DIP2C: variants seen among roughly 807,000 people sequenced by gnomAD.
The protein encoded by DIP2C is disco-interacting protein 2 homolog C.
A neutral mutation model predicts 192.4 loss-of-function variants in DIP2C; 33 were observed. The observed-to-expected ratio is 0.17, with a 90% CI of 0.13 to 0.23. The LOEUF (loss-of-function observed/expected upper bound fraction) is 0.23, where lower values mean the gene tolerates loss of function less well. Among genes scored for constraint, DIP2C ranks in the 10% least tolerant of loss-of-function variants. The pLI is 1.00. For missense variants in DIP2C, 1,537 were observed against 2,110.1 expected (o/e 0.73, Z 5.32); for synonymous variants, 979 against 864.1 (o/e 1.13, Z -2.33).
At chr10:354,627 A>C (rs114681125) in intron 24 of DIP2C, among the ~76,000 whole-genome samples, 1,570 of 152,246 alleles carry the variant, frequency 0.01, 27 homozygotes, top group Middle Eastern at 0.031. Flanking sequence ...CGTGTCAGGC[A>C]ACATCAAGGC....
chr10:519,830 T>TCC (rs1040702413), intron 1 of DIP2C, among the ~76,000 whole-genome samples: 1 of 151,914 alleles, frequency 6.6e-6, no homozygotes, highest in Non-Finnish European at 1.5e-5. Flanking sequence ...ATCCCAGGCC[T>TCC]CCCCCCTGCT....
chr10:412,692 A>G (rs963170160), intron 8 of DIP2C, among the ~76,000 whole-genome samples: 3 of 152,184 alleles, frequency 2.0e-5, no homozygotes, highest in Non-Finnish European at 2.9e-5. Flanking sequence ...CTGAAAGGCT[A>G]GGGTCTGAGG....
chr10:685,162 ATATATATATATATATATATATAT>A (rs1166267908), intron 1 of DIP2C, among the ~76,000 whole-genome samples: 363 of 16,716 alleles, frequency 0.022, 2 homozygotes, highest in East Asian at 0.03. Flanking sequence ...AAAAAAAAAA[ATATATATATATATATATATATAT>A]ACATATATAT....
At chr10:497,133 T>A (rs946153211) in intron 1 of DIP2C, among the ~76,000 whole-genome samples, 1 of 151,624 alleles carries the variant, frequency 6.6e-6, no homozygotes, top group Non-Finnish European at 1.5e-5. Flanking sequence ...TCGAAATCAA[T>A]CAATCAATCA....
chr10:536,372 T>C (rs1390432366), intron 1 of DIP2C, among the ~76,000 whole-genome samples: 1 of 150,984 alleles, frequency 6.6e-6, no homozygotes, highest in Non-Finnish European at 1.5e-5. Context: ...CATAGGGACA[T>C]CACAGTCCCG....
intron 32 of DIP2C, among the ~76,000 whole-genome samples, chr10:304,090 AAGAT>A (rs970332159): frequency 2.0e-5 from 3 of 152,198 alleles, no homozygotes; most frequent in Admixed American, 1.3e-4. Flanking sequence ...AATATGCTCT[AAGAT>A]AACGACATTA....
rs369429266 is a variant in DIP2C at position 561,628 on chromosome 10, C to T, written c.86-75098G>A. On this transcript the variant is annotated intron_variant, in intron 1 of 36. Transcript: ENST00000280886. ...TAACGCACTGTCTCCAAGGCCCTTTCCCGCCAGTCACAGCTTCCTTCAAGT... is the reference window on the plus strand; with the variant it reads ...TAACGCACTGTCTCCAAGGCCCTTTTCCGCCAGTCACAGCTTCCTTCAAGT... 2.0e-5 allele frequency among the ~76,000 whole-genome samples: 3 copies of T among 152,230 alleles called. No homozygotes were observed. In the East Asian group the frequency reaches 5.8e-4, roughly 30 times the overall value.
intron 1 of DIP2C, among the ~76,000 whole-genome samples, chr10:617,655 A>ACCCCCCCCCCCCCCC (rs3049602): frequency 7.6e-6 from 1 of 132,326 alleles, no homozygotes; most frequent in African/African-American, 2.8e-5. Flanking sequence ...TGTGGATACC[A>ACCCCCCCCCCCCCCC]CCCCCCCACC....
At chr10:482,207 G>A (rs562874662) in intron 2 of DIP2C, among the ~76,000 whole-genome samples, 2 of 152,314 alleles carry the variant, frequency 1.3e-5, no homozygotes, top group East Asian at 1.9e-4. Flanking sequence ...ACAGCGGCGT[G>A]GCCATCGGGA....
At chr10:501,170 A>G (rs374161609) in intron 1 of DIP2C, among the ~76,000 whole-genome samples, 16 of 152,340 alleles carry the variant, frequency 1.1e-4, no homozygotes, top group African/African-American at 3.4e-4. Flanking sequence ...AGGAAAGCAG[A>G]GATGATTCCT....
At chr10:346,744 C>G (rs1958494093) in intron 26 of DIP2C, among the ~76,000 whole-genome samples, 1 of 138,536 alleles carries the variant, frequency 7.2e-6, no homozygotes. Flanking sequence ...CACCCAGACA[C>G]ATCACGCATA....
At chr10:466,429 A>G (rs1382051985) in intron 3 of DIP2C, among the ~76,000 whole-genome samples, 2 of 139,398 alleles carry the variant, frequency 1.4e-5, no homozygotes, top group Non-Finnish European at 3.1e-5. Context: ...CTAAAACCAT[A>G]AAAACCCTAG....
chr10:505,865 G>C (rs917569389), intron 1 of DIP2C, among the ~76,000 whole-genome samples: 1 of 152,214 alleles, frequency 6.6e-6, no homozygotes, highest in Non-Finnish European at 1.5e-5. Context: ...GACAACAGTA[G>C]GATGCTGCAT....
At chr10:600,392 T>C (rs1437741788) in intron 1 of DIP2C, among the ~76,000 whole-genome samples, 1 of 147,494 alleles carries the variant, frequency 6.8e-6, no homozygotes, top group Non-Finnish European at 1.5e-5. Flanking sequence ...TGTGGGAACA[T>C]GGAGGTGACT....
chr10:624,874 C>G (rs1397098157), intron 1 of DIP2C, among the ~76,000 whole-genome samples: 1 of 151,928 alleles, frequency 6.6e-6, no homozygotes, highest in Non-Finnish European at 1.5e-5. Context: ...CCGGGAGAAC[C>G]CGGGGGGGGA....
chr10:580,864 G>A (rs2131587187), intron 1 of DIP2C, among the ~76,000 whole-genome samples: 2 of 152,334 alleles, frequency 1.3e-5, no homozygotes, highest in East Asian at 3.8e-4. Context: ...GCTTGACTGT[G>A]GAGTTCAGAG....
intron 2 of DIP2C, among the ~76,000 whole-genome samples, chr10:483,148 C>T (rs1588259086): frequency 6.6e-6 from 1 of 152,178 alleles, no homozygotes; most frequent in African/African-American, 2.4e-5. Context: ...CATTGTAGCT[C>T]GTAATTCTGC....
At chr10:577,765 G>A (rs1185194720) in intron 1 of DIP2C, among the ~76,000 whole-genome samples, 1 of 152,056 alleles carries the variant, frequency 6.6e-6, no homozygotes, top group Non-Finnish European at 1.5e-5. Context: ...CCTAGTAAGA[G>A]GAACTTGGCT....
chr10:311,505 G>C, intron 31 of DIP2C: 2 of 1,232,448 alleles, frequency 1.6e-6, no homozygotes, highest in Non-Finnish European at 2.0e-6. Flanking sequence ...GGGCAGGGAG[G>C]CACGGGTGTG....
Sources: gnomAD v4.1 joint callset for allele counts (sites outside exome capture counted in the v4.1 genomes callset) on GRCh38, gnomAD v4.1.1 for gene constraint, MANE v1.5 for transcripts, NCBI Gene and HGNC (gene_info 2026-07-23, HGNC 2026-07-21) for gene names.